KSR1: variants seen among roughly 807,000 people sequenced by gnomAD.
KSR1 encodes the protein kinase suppressor of ras 1.
KSR1 carries 35 observed loss-of-function variants against 92.9 expected under a neutral mutation model. The ratio of observed to expected loss-of-function variants is 0.38; its 90% CI spans 0.29 to 0.50. KSR1 has a LOEUF of 0.50. KSR1 is among the 20% of genes least tolerant of loss of function. The pLI, the probability that KSR1 is intolerant of heterozygous loss-of-function variation, is 0.94. For missense variants in KSR1, 972 were observed against 1,158.5 expected, an observed-to-expected ratio of 0.84 and a Z score of 2.34; for synonymous variants, 467 against 472.6, an observed-to-expected ratio of 0.99 and a Z score of 0.15.
intron 1 of KSR1, among the ~76,000 whole-genome samples, chr17:27,477,089 A>G (rs2068369324): frequency 6.6e-6 from 1 of 152,208 alleles, no homozygotes; most frequent in Non-Finnish European, 1.5e-5. Flanking sequence ...TGACATTGCC[A>G]TGGTATATGT....
At chr17:27,548,362 T>A (rs1187152407) in intron 1 of KSR1, among the ~76,000 whole-genome samples, 2 of 152,214 alleles carry the variant, frequency 1.3e-5, no homozygotes, top group African/African-American at 4.8e-5. Context: ...TTATTCTAAT[T>A]GAAAATTTGG....
At chr17:27,562,475 G>C (rs750241487) in intron 2 of KSR1, among the ~76,000 whole-genome samples, 1 of 152,210 alleles carries the variant, frequency 6.6e-6, no homozygotes, top group Admixed American at 6.5e-5. Flanking sequence ...TCAGGCTTCT[G>C]TCGGCCACAG....
chr17:27,598,888 C>T (rs1276721735), intron 10 of KSR1, among the ~76,000 whole-genome samples: 1 of 152,154 alleles, frequency 6.6e-6, no homozygotes, highest in Non-Finnish European at 1.5e-5. Context: ...CCCGGCTGGC[C>T]CGGTGGTTCA....
chr17:27,561,156 C>T (rs2071812321), intron 2 of KSR1, among the ~76,000 whole-genome samples: 3 of 152,202 alleles, frequency 2.0e-5, no homozygotes, highest in Admixed American at 2.0e-4. Flanking sequence ...TGATGATCCC[C>T]TGCAAGCTGA....
At chr17:27,541,937 C>G (rs1396889514) in intron 1 of KSR1, among the ~76,000 whole-genome samples, 1 of 152,210 alleles carries the variant, frequency 6.6e-6, no homozygotes, top group East Asian at 1.9e-4. Flanking sequence ...AGTGTGCTGT[C>G]CAGCACCCAC....
intron 1 of KSR1, among the ~76,000 whole-genome samples, chr17:27,541,801 G>A (rs181953156): frequency 3.9e-5 from 6 of 152,300 alleles, no homozygotes; most frequent in Non-Finnish European, 5.9e-5. Context: ...AGTCTTGTGG[G>A]TTTCACATGA....
chr17:27,479,922 C>G (rs756399129), intron 1 of KSR1, among the ~76,000 whole-genome samples: 1 of 152,016 alleles, frequency 6.6e-6, no homozygotes, highest in Non-Finnish European at 1.5e-5. Flanking sequence ...CATATTCTCT[C>G]GGGTGTGTGT....
intron 10 of KSR1, among the ~76,000 whole-genome samples, chr17:27,599,099 C>T (rs1169614335): frequency 2.6e-5 from 4 of 152,246 alleles, no homozygotes; most frequent in Admixed American, 6.5e-5. Flanking sequence ...ATGGTATAGT[C>T]CTCCACACGC....
At chr17:27,585,428 T>A (rs1014053277) in intron 4 of KSR1, among the ~76,000 whole-genome samples, 1 of 152,202 alleles carries the variant, frequency 6.6e-6, no homozygotes, top group African/African-American at 2.4e-5. Flanking sequence ...TGAGTTTAGA[T>A]GTCCCCTGGG....
At chr17:27,466,086 G>C (rs2019680464) in intron 1 of KSR1, among the ~76,000 whole-genome samples, 2 of 152,250 alleles carry the variant, frequency 1.3e-5, no homozygotes, top group Non-Finnish European at 1.5e-5. Context: ...GTTCTGAGAA[G>C]TACTGCAACA....
chr17:27,605,717 A>G lies in KSR1; in HGVS notation c.1898A>G (p.Lys633Arg), dbSNP rs2073729822. The change falls in exon 14 of 21, where the codon AAG (lysine) becomes AGG (arginine). Residue 633 changes from lysine to arginine, a missense_variant. Transcript: ENST00000644974. Reference protein sequence around the residue: ...GHNQDHLKLFKKEVMNYRQTR... With the variant: ...GHNQDHLKLFRKEVMNYRQTR... ...AACCAGGACCACCTGAAGCTCTTCA[A>G]GAAAGAGGTGATGAACTACCGGCAG... 4 of 1,612,966 alleles carry G rather than the reference A, an allele frequency of 2.5e-6. No homozygotes were observed. The highest frequency in any genetic ancestry group is 3.4e-6 in the Non-Finnish European group (4 of 1,179,874).
At chr17:27,601,201 T>C in intron 10 of KSR1, 159 bp from the exon 11 acceptor site, 1 of 623,486 alleles carries the variant, frequency 1.6e-6, no homozygotes, top group South Asian at 2.0e-5. Context: ...TTTTCCTCCT[T>C]CCTGCATGGT....
intron 1 of KSR1, among the ~76,000 whole-genome samples, chr17:27,534,425 T>C (rs2070679819): frequency 6.6e-6 from 1 of 152,210 alleles, no homozygotes; most frequent in African/African-American, 2.4e-5. Flanking sequence ...TGTTAATCTA[T>C]TATAGCAGGC....
intron 1 of KSR1, among the ~76,000 whole-genome samples, chr17:27,503,939 A>G (rs1457570151): frequency 6.6e-6 from 1 of 152,200 alleles, no homozygotes; most frequent in Non-Finnish European, 1.5e-5. Flanking sequence ...GTTTGTTACC[A>G]TGGCATAGCC....
intron 1 of KSR1, among the ~76,000 whole-genome samples, chr17:27,475,172 A>G (rs147535449): frequency 0.012 from 1,777 of 151,916 alleles, 15 homozygotes; most frequent in Middle Eastern, 0.041. Flanking sequence ...TTGTTGGAAA[A>G]CCCTGGGGCC....
chr17:27,552,443 G>A (rs1169728709), intron 2 of KSR1, among the ~76,000 whole-genome samples: 2 of 152,216 alleles, frequency 1.3e-5, no homozygotes, highest in Non-Finnish European at 2.9e-5. Flanking sequence ...CCAGGGTTTG[G>A]CCCCAAGTGG....
At position 27,519,466 on chromosome 17, in the gene KSR1, G is replaced by A. The variant is rs546088799; in HGVS notation, c.232-31102G>A. On this transcript the variant is annotated intron_variant, in intron 1 of 20. Coordinates refer to ENST00000644974, the MANE Select transcript of KSR1 (RefSeq NM_001394583.1). ...AGGAAAGGAGTCCCCTTCAACCCCCGGCATTTAGTGATTCTATCATGTCGG... is the reference window on the plus strand; with the variant it reads ...AGGAAAGGAGTCCCCTTCAACCCCCAGCATTTAGTGATTCTATCATGTCGG... Among the ~76,000 whole-genome samples, 5 of 152,212 alleles carry A rather than the reference G, an allele frequency of 3.3e-5. No homozygotes were observed. In the East Asian group the frequency reaches 5.8e-4, roughly 18 times the overall value.
intron 9 of KSR1, among the ~76,000 whole-genome samples, chr17:27,596,248 T>C (rs977702087): frequency 5.9e-5 from 9 of 152,232 alleles, no homozygotes; most frequent in Non-Finnish European, 1.3e-4. Context: ...CTCTGTTGAA[T>C]GGGCAATGAG....
intron 1 of KSR1, among the ~76,000 whole-genome samples, chr17:27,464,042 G>A (rs924920872): frequency 5.3e-5 from 8 of 152,160 alleles, no homozygotes; most frequent in Admixed American, 3.9e-4. Context: ...ACTGAGTTGG[G>A]AGTCAGACCT....
Sources: gnomAD v4.1 joint callset for allele counts (sites outside exome capture counted in the v4.1 genomes callset) on GRCh38, gnomAD v4.1.1 for gene constraint, MANE v1.5 for transcripts, NCBI Gene and HGNC (gene_info 2026-07-23, HGNC 2026-07-21) for gene names.